The following ECHDC2 variants were observed in gnomAD, a reference collection of about 807,000 sequenced individuals.
The protein encoded by ECHDC2 is enoyl-CoA hydratase domain containing 2.
In ECHDC2, 34 loss-of-function variants were observed where a neutral mutation model predicts 40.6. That is an observed-to-expected ratio of 0.84 (90% CI 0.64 to 1.11). The LOEUF is 1.11. Ranked by LOEUF, ECHDC2 falls within the 50% of genes most tolerant of loss-of-function variation. The pLI is 0.00. For missense variants in ECHDC2, 392 were observed against 400.7 expected, an observed-to-expected ratio of 0.98 and a Z score of 0.19; for synonymous variants, 162 against 166.6, an observed-to-expected ratio of 0.97 and a Z score of 0.21.
intron 1 of ECHDC2, among the ~76,000 whole-genome samples, chr1:52,918,272 G>A (rs114548095): frequency 0.027 from 4,063 of 151,590 alleles, 187 homozygotes; most frequent in African/African-American, 0.093. Flanking sequence ...CAATCTGCCT[G>A]CCTCACCCTC....
At chr1:52,910,067 G>A (rs1649012465) in intron 3 of ECHDC2, among the ~76,000 whole-genome samples, 2 of 152,016 alleles carry the variant, frequency 1.3e-5, no homozygotes, top group African/African-American at 2.4e-5. Flanking sequence ...AAATAAGCCA[G>A]GCACCAAAAA....
At chr1:52,899,429 TG>T in intron 7 of ECHDC2, 1 of 594,566 alleles carries the variant, frequency 1.7e-6, no homozygotes. Context: ...CTCTGATCCC[TG>T]AACACCTGGG....
At chr1:52,921,323 C>T (rs1404354520) in intron 1 of ECHDC2, 7 of 997,422 alleles carry the variant, frequency 7.0e-6, no homozygotes, top group Admixed American at 7.1e-5. Context: ...CCCCAAAGGG[C>T]CTTTGAAGAG....
At chr1:52,921,014 C>T (rs969954904) in intron 1 of ECHDC2, among the ~76,000 whole-genome samples, 1 of 152,256 alleles carries the variant, frequency 6.6e-6, no homozygotes, top group Non-Finnish European at 1.5e-5. Context: ...CTCGTCCCCG[C>T]TCCATACTAT....
intron 1 of ECHDC2, among the ~76,000 whole-genome samples, chr1:52,919,268 C>T (rs1236451997): frequency 6.6e-6 from 1 of 152,190 alleles, no homozygotes; most frequent in Non-Finnish European, 1.5e-5. Context: ...TCCAGTCCTG[C>T]AAGCTCCATT....
chr1:52,918,853 C>T (rs925957130), intron 1 of ECHDC2, among the ~76,000 whole-genome samples: 2 of 152,034 alleles, frequency 1.3e-5, no homozygotes, highest in African/African-American at 4.8e-5. Context: ...CAGGGGTCCC[C>T]AACCCCCGGG....
At chr1:52,908,296 G>A (rs962521707) in intron 3 of ECHDC2, among the ~76,000 whole-genome samples, 4 of 152,162 alleles carry the variant, frequency 2.6e-5, no homozygotes, top group East Asian at 3.9e-4. Context: ...CATCACCTGA[G>A]GTCAGTAGTT....
intron 7 of ECHDC2, 187 bp from the exon 8 acceptor site, chr1:52,899,411 A>C: frequency 1.6e-6 from 1 of 610,616 alleles, no homozygotes; most frequent in Non-Finnish European, 2.9e-6. Context: ...ATCATGAAAG[A>C]AGCCAGACTC....
At chr1:52,912,964 G>C (rs974644633) in intron 1 of ECHDC2, 1 of 152,194 alleles carries the variant, frequency 6.6e-6, no homozygotes, top group African/African-American at 2.4e-5. Flanking sequence ...GGGATTACAG[G>C]TGTGAGCCAC....
intron 7 of ECHDC2, chr1:52,899,941 C>T (rs983099570): frequency 2.6e-5 from 4 of 151,466 alleles, no homozygotes; most frequent in Non-Finnish European, 5.9e-5. Flanking sequence ...GGAATTACTT[C>T]CTATATCATA....
At chr1:52,920,558 C>T in intron 1 of ECHDC2, 3 of 1,395,496 alleles carry the variant, frequency 2.1e-6, no homozygotes, top group African/African-American at 1.4e-5. Context: ...GGAAGGGGCC[C>T]TTGGCCACAA....
At chr1:52,910,429 C>T (rs1184864516) in intron 3 of ECHDC2, among the ~76,000 whole-genome samples, 3 of 114,442 alleles carry the variant, frequency 2.6e-5, no homozygotes, top group South Asian at 3.1e-4. Flanking sequence ...AGTGCAGTGG[C>T]GTGATCTCAG....
intron 7 of ECHDC2, chr1:52,900,100 T>C (rs1216816965): frequency 6.6e-6 from 1 of 150,846 alleles, no homozygotes; most frequent in Non-Finnish European, 1.5e-5. Flanking sequence ...TACAAAAGAG[T>C]ATGTAAAAGG....
intron 1 of ECHDC2, among the ~76,000 whole-genome samples, chr1:52,918,117 C>T (rs542748926): frequency 7.2e-5 from 11 of 152,236 alleles, no homozygotes; most frequent in African/African-American, 9.6e-5. Flanking sequence ...TTGACCTCCC[C>T]GGCTCAAGCC....
chr1:52,899,451 T>C (rs775584952), intron 7 of ECHDC2: 9 of 577,378 alleles, frequency 1.6e-5, no homozygotes, highest in Non-Finnish European at 2.5e-5. Flanking sequence ...TTTCTTGTTA[T>C]TCAGCCCATC....
At chr1:52,921,163 C>T (rs899947410) in intron 1 of ECHDC2, among the ~76,000 whole-genome samples, 3 of 152,238 alleles carry the variant, frequency 2.0e-5, no homozygotes, top group Admixed American at 2.0e-4. Context: ...GCACTGGGCA[C>T]TGGGACTGGC....
In ECHDC2 at chr1:52,914,048, T is replaced by C. The variant is rs1214289938; in HGVS notation, c.122-2258A>G. The C allele has an allele frequency of 1.8e-6, 2 of 1,084,080 alleles. No homozygotes were observed. The highest frequency in any genetic ancestry group is 3.2e-5 in the African/African-American group (2 of 61,702). The allele number at this position is 1,084,080 out of a possible 1,614,324, so 67.2% of individuals were successfully genotyped here. ...GCTGGCCTCTACTAGACACCGTGAT[T>C]CCAGAGACCAGGACAGACTCAAGGC... is the stretch of plus-strand genomic sequence containing the variant. On this transcript the variant is annotated intron_variant, in intron 1 of 9. Transcript: ENST00000371522. This position sits in a 1 kb window ranked among gnomAD's most constrained non-coding sequence, Gnocchi z 4.0.
intron 7 of ECHDC2, 112 bp from the exon 8 acceptor site, chr1:52,899,336 C>A: frequency 1.0e-6 from 1 of 975,728 alleles, no homozygotes; most frequent in Non-Finnish European, 1.6e-6. Flanking sequence ...GGTCTGGTTC[C>A]AGCCATTCTG....
Position 52,904,627 on chromosome 1 carries a change from T to C in ECHDC2, c.702+19A>G. The C allele has an allele frequency of 6.4e-7, 1 of 1,555,912 alleles. No individual in the cohort carries two copies. The highest frequency in any genetic ancestry group is 8.7e-7 in the Non-Finnish European group (1 of 1,150,334). On this transcript the variant is annotated intron_variant, in intron 7 of 9. Transcript: ENST00000371522. ...CCCATGACTCCAGCCCTCCTTCTGG[T>C]GCCGAGCTGTCACCACACCTGGGGC...
Sources: allele counts gnomAD v4.1 joint callset (sites outside exome capture counted in the v4.1 genomes callset), GRCh38; gene constraint gnomAD v4.1.1; non-coding constraint Gnocchi (gnomAD v3.1); transcripts MANE v1.5; gene names NCBI Gene and HGNC (gene_info 2026-07-23, HGNC 2026-07-21).